Variants in PARN observed in about 807,000 individuals in gnomAD.
The protein encoded by PARN is poly(A)-specific ribonuclease.
A neutral mutation model predicts 102.8 loss-of-function variants in PARN; 71 were observed. That is an observed-to-expected ratio of 0.69 (90% CI 0.57 to 0.84). The LOEUF (loss-of-function observed/expected upper bound fraction) is 0.84, where lower values mean the gene tolerates loss of function less well. PARN is among the 40% of genes least tolerant of loss of function. The pLI, the probability that PARN is intolerant of heterozygous loss-of-function variation, is 0.00. For synonymous variants in PARN, 261 were observed against 252.9 expected, an observed-to-expected ratio of 1.03 and a Z score of -0.30; for missense variants, 782 against 760.9, an observed-to-expected ratio of 1.03 and a Z score of -0.33.
chr16:14,438,224 G>A (rs1960793349), intron 23 of PARN, among the ~76,000 whole-genome samples: 1 of 152,168 alleles, frequency 6.6e-6, no homozygotes. Context: ...CTAACTGTAT[G>A]AAAAGAAACA....
intron 21 of PARN, among the ~76,000 whole-genome samples, chr16:14,517,283 T>G (rs1435173205): frequency 6.6e-6 from 1 of 152,220 alleles, no homozygotes; most frequent in Non-Finnish European, 1.5e-5. Context: ...AAACTGAGGC[T>G]TGCAGGGTAG....
At chr16:14,448,988 T>C (rs1196665440) in intron 22 of PARN, among the ~76,000 whole-genome samples, 1 of 152,176 alleles carries the variant, frequency 6.6e-6, no homozygotes, top group African/African-American at 2.4e-5. Flanking sequence ...GAAGATTTTT[T>C]AAAGACTAGA....
intron 21 of PARN, among the ~76,000 whole-genome samples, chr16:14,486,189 CCA>C (rs919706006): frequency 6.6e-6 from 1 of 151,952 alleles, no homozygotes; most frequent in Non-Finnish European, 1.5e-5. Context: ...ACCCCATTCT[CCA>C]CACACACACA....
intron 21 of PARN, among the ~76,000 whole-genome samples, chr16:14,506,519 AAGCAAACTGTT>A (rs2151631955): frequency 6.6e-6 from 1 of 152,368 alleles, no homozygotes; most frequent in East Asian, 1.9e-4. Context: ...AAATACTTCT[AAGCAAACTGTT>A]ATGTCTCTGA....
At chr16:14,628,339 G>T in intron 2 of PARN, 88 bp from the exon 3 acceptor site, 1 of 729,272 alleles carries the variant, frequency 1.4e-6, no homozygotes, top group Non-Finnish European at 2.3e-6. Context: ...CTATAATGTC[G>T]TATCACGAAT....
intron 18 of PARN, among the ~76,000 whole-genome samples, chr16:14,560,450 G>T (rs1056684472): frequency 6.6e-6 from 1 of 152,130 alleles, no homozygotes; most frequent in African/African-American, 2.4e-5. Context: ...TTCTCTAAAG[G>T]ACTGACATTA....
At chr16:14,568,116 G>A (rs763097754) in intron 18 of PARN, among the ~76,000 whole-genome samples, 2 of 152,138 alleles carry the variant, frequency 1.3e-5, no homozygotes, top group Admixed American at 6.5e-5. Flanking sequence ...GTGGGAGGCC[G>A]AGACGGGAGA....
Position 14,625,542 on chromosome 16 carries a change from C to T in PARN, c.327+1564G>A, listed in dbSNP as rs574489095. Among the ~76,000 whole-genome samples, 5 of 152,208 alleles carry T rather than the reference C, an allele frequency of 3.3e-5. No individual in the cohort carries two copies. In the South Asian group the frequency reaches 6.2e-4, roughly 19 times the overall value. On this transcript the variant is annotated intron_variant, in intron 5 of 23. Coordinates refer to ENST00000437198, the MANE Select transcript of PARN (RefSeq NM_002582.4). Reference sequence around the variant, plus strand: ...AATTTATAAATACTCTTTAAGTATCCCATACCACGGTGATTGACAAATAGC... The same window carrying T: ...AATTTATAAATACTCTTTAAGTATCTCATACCACGGTGATTGACAAATAGC...
intron 22 of PARN, among the ~76,000 whole-genome samples, chr16:14,451,223 C>T (rs888115839): frequency 6.6e-6 from 1 of 152,208 alleles, no homozygotes; most frequent in Non-Finnish European, 1.5e-5. Context: ...CATGCTAAGA[C>T]CCTACTGCCC....
chr16:14,570,427 G>A (rs1403897685), intron 18 of PARN, among the ~76,000 whole-genome samples: 25 of 148,696 alleles, frequency 1.7e-4, no homozygotes, highest in African/African-American at 4.7e-4. Flanking sequence ...CCGAGGCGGC[G>A]GATCATGAGG....
At position 14,617,643 on chromosome 16, in the gene PARN, C is replaced by A; in HGVS notation, c.335G>T (p.Ser112Ile). ...TCCCTGGCTTGCTAGAAAGTCAATGCTGGAGCTCTGAAACAGAGTAAACAG... is the reference window on the plus strand; with the variant it reads ...TCCCTGGCTTGCTAGAAAGTCAATGATGGAGCTCTGAAACAGAGTAAACAG... ...PDVKFVCQSSSIDFLASQGFD... is the reference protein window; with the variant it reads ...PDVKFVCQSSIIDFLASQGFD... The change falls in exon 6 of 24, where the codon AGC (serine) becomes ATC (isoleucine). Residue 112 changes from serine to isoleucine, a missense_variant. Physicochemically the swap from Ser to Ile is moderately radical, Grantham distance 142. Coordinates refer to ENST00000437198, the MANE Select transcript of PARN (RefSeq NM_002582.4). The A allele has an allele frequency of 6.3e-7, 1 of 1,593,450 alleles. No homozygotes were observed. Among genetic ancestry groups the A allele is most frequent in the Non-Finnish European group, 8.6e-7 (1 of 1,161,288 alleles).
At chr16:14,459,019 G>C (rs948525298) in intron 22 of PARN, among the ~76,000 whole-genome samples, 1 of 149,840 alleles carries the variant, frequency 6.7e-6, no homozygotes, top group Admixed American at 6.6e-5. Flanking sequence ...CTGAAAATCA[G>C]AGCATCAATC....
chr16:14,630,150 C>G lies in PARN; in HGVS notation c.-25G>C. 2 of 1,553,664 alleles carry G rather than the reference C, an allele frequency of 1.3e-6. No homozygotes were observed. The highest frequency in any genetic ancestry group is 1.7e-6 in the Non-Finnish European group (2 of 1,147,574). On this transcript the variant is annotated 5_prime_UTR_variant, in exon 1 of 24. Coordinates refer to ENST00000437198, the MANE Select transcript of PARN (RefSeq NM_002582.4). ...TTCTGCAGAGTGGCCGGAACCTTGGCCCCACCCGGGCCCGCGCCCGCCTCA... is the reference window on the plus strand; with the variant it reads ...TTCTGCAGAGTGGCCGGAACCTTGGGCCCACCCGGGCCCGCGCCCGCCTCA...
In PARN at chr16:14,436,336, C is replaced by G; in HGVS notation, c.*381G>C. ...AGGCAGGACAGTACACCCCCAAATT[C>G]ATGATCACAGCAGCTGGAATGTCAG... On this transcript the variant is annotated 3_prime_UTR_variant, in exon 24 of 24. Transcript: ENST00000437198. The G allele has an allele frequency of 4.3e-6, 1 of 232,982 alleles. No homozygotes were observed. The highest frequency in any genetic ancestry group is 1.0e-4 in the East Asian group (1 of 9,880). The allele number at this position is 232,982 out of a possible 1,614,324, so 14.4% of individuals were successfully genotyped here.
chr16:14,529,359 C>G (rs1966190382), intron 21 of PARN, among the ~76,000 whole-genome samples: 1 of 152,212 alleles, frequency 6.6e-6, no homozygotes, highest in Non-Finnish European at 1.5e-5. Flanking sequence ...TGGAGCATTT[C>G]AAGTTTTGTA....
intron 21 of PARN, 83 bp from the exon 22 acceptor site, chr16:14,482,910 G>A (rs1963462704): frequency 8.4e-7 from 1 of 1,183,954 alleles, no homozygotes. Context: ...TGTGGCCTAA[G>A]GTGGTCAAAG....
At chr16:14,465,659 G>C (rs1962300285) in intron 22 of PARN, among the ~76,000 whole-genome samples, 1 of 152,058 alleles carries the variant, frequency 6.6e-6, no homozygotes, top group African/African-American at 2.4e-5. Context: ...TTTATAAGCT[G>C]ATACTGAAGT....
At chr16:14,508,562 A>T (rs1965018412) in intron 21 of PARN, among the ~76,000 whole-genome samples, 2 of 152,214 alleles carry the variant, frequency 1.3e-5, no homozygotes, top group South Asian at 4.1e-4. Context: ...CTCTGTAATA[A>T]CCAGAGAGAA....
At chr16:14,586,598 C>G (rs1313351252) in intron 13 of PARN, among the ~76,000 whole-genome samples, 2 of 152,188 alleles carry the variant, frequency 1.3e-5, no homozygotes, top group African/African-American at 4.8e-5. Context: ...ACCAAAACAA[C>G]AAATTTAAGG....
Sources: allele counts gnomAD v4.1 joint callset (sites outside exome capture counted in the v4.1 genomes callset), GRCh38; gene constraint gnomAD v4.1.1; transcripts MANE v1.5; gene names NCBI Gene and HGNC (gene_info 2026-07-23, HGNC 2026-07-21).